Variants in ZBTB22 observed in about 807,000 individuals in gnomAD.
ZBTB22 encodes zinc finger and BTB domain-containing protein 22.
For missense variants in ZBTB22, 668 were observed against 834.1 expected (o/e 0.80, Z 2.45); for synonymous variants, 356 against 347.3 (o/e 1.03, Z -0.28).
At position 33,315,664 on chromosome 6, in the gene ZBTB22, G is replaced by C. The variant is rs750761482; in HGVS notation, c.1253C>G (p.Pro418Arg). The C allele has an allele frequency of 1.7e-5, 28 of 1,613,850 alleles. No homozygotes were observed. Among genetic ancestry groups the C allele is most frequent in the Non-Finnish European group, 2.4e-5 (28 of 1,179,964 alleles). ...GATCTGGTTGCCCTGCATGTCCAAGGGAAGGAGCGGTCGAGGAGGGTGGGA... is the reference window on the plus strand; with the variant it reads ...GATCTGGTTGCCCTGCATGTCCAAGCGAAGGAGCGGTCGAGGAGGGTGGGA... Reference protein sequence around the residue: ...APSHPPRPLLPLDMQGNQILV... With the variant: ...APSHPPRPLLRLDMQGNQILV... Residue 418 changes from proline (P) to arginine (R), a missense_variant, in exon 2 of 2, where the codon CCC becomes CGC. By Grantham distance (103) the Pro-to-Arg change is moderately radical. Transcript: ENST00000431845. This position sits in a 1 kb window ranked among gnomAD's most constrained non-coding sequence, Gnocchi z 5.4.
chr6:33,314,980 C>T lies in ZBTB22; in HGVS notation c.*32G>A, dbSNP rs772936264. On this transcript the variant is annotated 3_prime_UTR_variant, in exon 2 of 2. Coordinates refer to ENST00000431845, the MANE Select transcript of ZBTB22 (RefSeq NM_005453.5). ...GCATCGTGCTCCTTATTCCCTTTCC[C>T]GAAAGCTACCCCACCCCAGTAGCCT... 2.0e-6 allele frequency: 3 copies of T among 1,520,514 alleles called. No homozygotes were observed. Among genetic ancestry groups the T allele is most frequent in the Non-Finnish European group, 2.6e-6 (3 of 1,134,296 alleles). 94.2% of individuals were successfully genotyped at this position (1,520,514 alleles called of 1,614,324 possible).
Position 33,316,742 on chromosome 6 carries a change from C to T in ZBTB22, c.175G>A (p.Val59Ile), listed in dbSNP as rs757295590. 1.9e-6 allele frequency: 3 copies of T among 1,614,068 alleles called. No individual in the cohort carries two copies. Among genetic ancestry groups the T allele is most frequent in the African/African-American group, 1.3e-5 (1 of 74,924 alleles). ...TCCCGGCCCTGCACTCTGATAGATACATCGCAGAGCTGGCCCTGCAGACGC... is the reference window on the plus strand; with the variant it reads ...TCCCGGCCCTGCACTCTGATAGATATATCGCAGAGCTGGCCCTGCAGACGC... The part of the protein sequence containing the change: ...QQRLQGQLCD[V>I]SIRVQGREFR... Residue 59 changes from valine to isoleucine, a missense_variant, in exon 2 of 2, where the codon GTA (valine) becomes ATA (isoleucine). Physicochemically the swap from Val to Ile is conservative, Grantham distance 29. Coordinates refer to ENST00000431845, the MANE Select transcript of ZBTB22 (RefSeq NM_005453.5). The surrounding 1 kb of genome is among the most constrained non-coding windows in gnomAD (Gnocchi z 7.2).
intron 1 of ZBTB22, 67 bp downstream of exon 1, chr6:33,317,586 C>T (rs1343830560): frequency 1.9e-4 from 24 of 127,868 alleles, no homozygotes; most frequent in African/African-American, 7.0e-4. Context: ...CCGCTCCGCC[C>T]CAAGCGCTAC....
Position 33,315,719 on chromosome 6 carries a change from C to G in ZBTB22, c.1198G>C (p.Gly400Arg). The G allele has an allele frequency of 6.2e-7, 1 of 1,612,410 alleles. No individual in the cohort carries two copies. The highest frequency in any genetic ancestry group is 1.1e-5 in the South Asian group (1 of 90,910). ...GGPVAGLDDS[G>R]GPTPSSYAPS... ...GCATAGGAAGAGGGAGTTGGCCCCC[C>G]TGAGTCATCAAGACCTGCCACAGGA... Residue 400 changes from glycine (G) to arginine (R), a missense_variant, in exon 2 of 2, where the codon GGG becomes CGG. By Grantham distance (125) the Gly-to-Arg change is moderately radical. Coordinates refer to ENST00000431845, the MANE Select transcript of ZBTB22 (RefSeq NM_005453.5). This position sits in a 1 kb window ranked among gnomAD's most constrained non-coding sequence, Gnocchi z 5.4.
At position 33,315,168 on chromosome 6, in the gene ZBTB22, C is replaced by A. The variant is rs200053970; in HGVS notation, c.1749G>T (p.Gly583=). 1.2e-6 allele frequency: 2 copies of A among 1,612,846 alleles called. No homozygotes were observed. The highest frequency in any genetic ancestry group is 1.7e-6 in the Non-Finnish European group (2 of 1,179,306). Residue 583 remains glycine (G), a synonymous_variant, in exon 2 of 2, where the codon GGG becomes GGT. Transcript: ENST00000431845. The surrounding 1 kb of genome is among the most constrained non-coding windows in gnomAD (Gnocchi z 5.4). ...ACTCTCTCTTGGACGGCAAGGATGG[C>A]CCCGTGGGAGTCCCAGGCCCAGGTA... ...GAVPGPGTPT[G]PSLPSKRESP...
rs916317657 is a variant in ZBTB22 at position 33,316,999 on chromosome 6, G to A, written c.-69-14C>T. 2.8e-6 allele frequency: 4 copies of A among 1,440,896 alleles called. No homozygotes were observed. The highest frequency in any genetic ancestry group is 1.4e-5 in the South Asian group (1 of 69,158). 89.3% of individuals were successfully genotyped at this position (1,440,896 alleles called of 1,614,324 possible). A position where few individuals can be genotyped will look rare whatever the true frequency, so the allele number is the denominator to read the frequency against. On this transcript the variant is annotated splice_polypyrimidine_tract_variant and intron_variant, in intron 1 of 1. Coordinates refer to ENST00000431845, the MANE Select transcript of ZBTB22 (RefSeq NM_005453.5). This position sits in a 1 kb window ranked among gnomAD's most constrained non-coding sequence, Gnocchi z 7.2. ...CCGGGGGGGTCTCTGGGAAGAAAAA[G>A]AGAAAAGAATAATGATAACATCTCA...
At chr6:33,317,011 A>C in intron 1 of ZBTB22, 26 bp from the exon 2 acceptor site, 10 of 1,385,382 alleles carry the variant, frequency 7.2e-6, no homozygotes, top group Non-Finnish European at 9.6e-6. Flanking sequence ...GAAAAGAATA[A>C]TGATAACATC....
chr6:33,315,106 C>A lies in ZBTB22; in HGVS notation c.1811G>T (p.Ser604Ile). ...TCTGCTGGACGGGGGCGTGGCCGCA[C>A]TCGCTTCGTCGCCGCTGCCCCCGCC... ...GVGGGSGDEA[S>I]AATPPSSRRV... The change falls in exon 2 of 2, where the codon AGT becomes ATT. Residue 604 changes from serine (S) to isoleucine (I), a missense_variant. Ser to Ile is a moderately radical substitution (Grantham distance 142). Coordinates refer to ENST00000431845, the MANE Select transcript of ZBTB22 (RefSeq NM_005453.5). This position sits in a 1 kb window ranked among gnomAD's most constrained non-coding sequence, Gnocchi z 5.4. The A allele has an allele frequency of 6.2e-7, 1 of 1,611,920 alleles. No homozygotes were observed. Among genetic ancestry groups the A allele is most frequent in the Non-Finnish European group, 8.5e-7 (1 of 1,178,368 alleles).
upstream of ZBTB22, chr6:33,317,753 C>G (rs1264780189): frequency 6.8e-6 from 1 of 146,570 alleles, no homozygotes; most frequent in Non-Finnish European, 1.5e-5. Flanking sequence ...CCTCCGCCCT[C>G]CGCCTCCGCT....
chr6:33,316,258 G>A lies in ZBTB22; in HGVS notation c.659C>T (p.Ser220Phe). 1 of 1,614,188 alleles carries A rather than the reference G, an allele frequency of 6.2e-7. No homozygotes were observed. The highest frequency in any genetic ancestry group is 8.5e-7 in the Non-Finnish European group (1 of 1,180,036). ...SPRESTDFSS[S>F]SQEAFAASAV... ...AGAAGCTGCAAATGCCTCTTGGGAG[G>A]AAGATGAGAAATCAGTGGACTCCCT... The change falls in exon 2 of 2, where the codon TCC becomes TTC. Residue 220 changes from serine (S) to phenylalanine (F), a missense_variant. Physicochemically the swap from Ser to Phe is radical, Grantham distance 155. Transcript: ENST00000431845. This position sits in a 1 kb window ranked among gnomAD's most constrained non-coding sequence, Gnocchi z 7.2.
rs141471574 is a variant in ZBTB22 at position 33,316,350 on chromosome 6, C to T, written c.567G>A (p.Ala189=). Residue 189 remains alanine, a synonymous_variant, in exon 2 of 2, where the codon GCG becomes GCA. Coordinates refer to ENST00000431845, the MANE Select transcript of ZBTB22 (RefSeq NM_005453.5). This position sits in a 1 kb window ranked among gnomAD's most constrained non-coding sequence, Gnocchi z 7.2. ...GTVAPATMGS[A]RSHASSRASE... ...TGGCCCGGCTGGAGGCATGGGAGCG[C>T]GCAGAGCCCATGGTAGCAGGGGCCA... The T allele has an allele frequency of 7.4e-6, 12 of 1,613,790 alleles. No homozygotes were observed. The African/African-American group carries it at 9.3e-5, about 13-fold the overall frequency.
In ZBTB22 at chr6:33,316,869, C is replaced by A. The variant is rs756440751; in HGVS notation, c.48G>T (p.Pro16=). ...GTAGTGGGGGCGGAGCCAGCGACAG[C>A]GGCAGGGGAAGTGCTGCCCCACTGG... The part of the protein sequence containing the change: ...LSPSGAALPL[P]LSLAPPPLPL... Residue 16 remains proline, a synonymous_variant, in exon 2 of 2, where the codon CCG becomes CCT. Transcript: ENST00000431845. This position sits in a 1 kb window ranked among gnomAD's most constrained non-coding sequence, Gnocchi z 7.2. 1.6e-4 allele frequency: 265 copies of A among 1,612,492 alleles called. No individual in the cohort carries two copies. Among genetic ancestry groups the A allele is most frequent in the Non-Finnish European group, 2.2e-4 (262 of 1,179,448 alleles).
Position 33,314,915 on chromosome 6 carries a change from TA to T in ZBTB22, c.*96del. On this transcript the variant is annotated 3_prime_UTR_variant, in exon 2 of 2. Transcript: ENST00000431845. ...AGTCCACAGAGATAAAGGAAGACAG[TA>T]AGTGTGGTGGGAGATCACCCGGGGG... The T allele has an allele frequency of 6.7e-7, 1 of 1,493,730 alleles. No homozygotes were observed. Among genetic ancestry groups the T allele is most frequent in the Non-Finnish European group, 8.9e-7 (1 of 1,121,228 alleles). 92.5% of individuals were successfully genotyped at this position (1,493,730 alleles called of 1,614,324 possible).
chr6:33,314,824 G>A lies in ZBTB22; in HGVS notation c.*188C>T. The A allele has an allele frequency of 6.1e-6, 7 of 1,150,808 alleles. No homozygotes were observed. Among genetic ancestry groups the A allele is most frequent in the Non-Finnish European group, 8.2e-6 (7 of 854,742 alleles). The allele number at this position is 1,150,808 out of a possible 1,614,324, so 71.3% of individuals were successfully genotyped here. Reference sequence around the variant, plus strand: ...TTAGTTCTGGAAATACCTTGGGGGGGAGGGGTTGAGTAGTAGAATGGGCGG... The same window carrying A: ...TTAGTTCTGGAAATACCTTGGGGGGAAGGGGTTGAGTAGTAGAATGGGCGG... On this transcript the variant is annotated 3_prime_UTR_variant, in exon 2 of 2. Transcript: ENST00000431845.
Position 33,315,295 on chromosome 6 carries a change from T to A in ZBTB22, c.1622A>T (p.Tyr541Phe). Residue 541 changes from tyrosine to phenylalanine, a missense_variant, in exon 2 of 2, where the codon TAC (tyrosine) becomes TTC (phenylalanine). Tyr to Phe is a conservative substitution (Grantham distance 22). Coordinates refer to ENST00000431845, the MANE Select transcript of ZBTB22 (RefSeq NM_005453.5). The surrounding 1 kb of genome is among the most constrained non-coding windows in gnomAD (Gnocchi z 5.4). Reference protein sequence around the residue: ...HMKTHTGLKPYECGVCAKKFM... With the variant: ...HMKTHTGLKPFECGVCAKKFM... The stretch of plus-strand genomic sequence containing the variant: ...CTTCTTGGCGCAGACTCCGCACTCG[T>A]AGGGCTTGAGACCTGTGTGCGTCTT... The A allele has an allele frequency of 6.2e-7, 1 of 1,614,038 alleles. No homozygotes were observed. The highest frequency in any genetic ancestry group is 8.5e-7 in the Non-Finnish European group (1 of 1,180,020).
At position 33,315,299 on chromosome 6, in the gene ZBTB22, G is replaced by A. The variant is rs754864888; in HGVS notation, c.1618C>T (p.Pro540Ser). Residue 540 changes from proline to serine, a missense_variant, in exon 2 of 2, where the codon CCC becomes TCC. Pro to Ser is a moderately conservative substitution (Grantham distance 74). Coordinates refer to ENST00000431845, the MANE Select transcript of ZBTB22 (RefSeq NM_005453.5). This position sits in a 1 kb window ranked among gnomAD's most constrained non-coding sequence, Gnocchi z 5.4. ...TTGGCGCAGACTCCGCACTCGTAGG[G>A]CTTGAGACCTGTGTGCGTCTTCATG... ...EHMKTHTGLK[P>S]YECGVCAKKF... 1.2e-6 allele frequency: 2 copies of A among 1,614,096 alleles called. No homozygotes were observed. The highest frequency in any genetic ancestry group is 1.3e-5 in the African/African-American group (1 of 75,064).
rs1315674203 is a variant in ZBTB22, at chr6:33,316,156, G to A, written c.761C>T (p.Ser254Phe). 6.2e-7 allele frequency: 1 copy of A among 1,613,838 alleles called. No individual in the cohort carries two copies. The highest frequency in any genetic ancestry group is 1.7e-5 in the Admixed American group (1 of 60,012). Reference protein sequence around the residue: ...APVVGSGGATSGKLLLEADEL... With the variant: ...APVVGSGGATFGKLLLEADEL... Reference sequence around the variant, plus strand: ...ATCTGCCTCCAGCAGCAGCTTTCCAGATGTGGCCCCTCCACTGCCAACGAC... The same window carrying A: ...ATCTGCCTCCAGCAGCAGCTTTCCAAATGTGGCCCCTCCACTGCCAACGAC... Residue 254 changes from serine (S) to phenylalanine (F), a missense_variant, in exon 2 of 2, where the codon TCT becomes TTT. Ser to Phe is a radical substitution (Grantham distance 155). Coordinates refer to ENST00000431845, the MANE Select transcript of ZBTB22 (RefSeq NM_005453.5). The surrounding 1 kb of genome is among the most constrained non-coding windows in gnomAD (Gnocchi z 7.2).
At position 33,316,922 on chromosome 6, in the gene ZBTB22, G is replaced by A. The variant is rs1011650765; in HGVS notation, c.-6C>T. The A allele has an allele frequency of 1.9e-6, 3 of 1,569,700 alleles. No individual in the cohort carries two copies. The highest frequency in any genetic ancestry group is 2.6e-6 in the Non-Finnish European group (3 of 1,157,828). On this transcript the variant is annotated 5_prime_UTR_variant, in exon 2 of 2. Coordinates refer to ENST00000431845, the MANE Select transcript of ZBTB22 (RefSeq NM_005453.5). This position sits in a 1 kb window ranked among gnomAD's most constrained non-coding sequence, Gnocchi z 7.2. ...GACAGAGGAGATGGCTCCATGTTGT[G>A]GAGGGAGGGGATACCCCCCCAGCCA... is the stretch of plus-strand genomic sequence containing the variant.
At position 33,314,769 on chromosome 6, in the gene ZBTB22, C is replaced by T; in HGVS notation, c.*243G>A. 5.9e-6 allele frequency: 4 copies of T among 678,808 alleles called. No homozygotes were observed. The highest frequency in any genetic ancestry group is 6.7e-6 in the Non-Finnish European group (3 of 445,550). The allele number at this position is 678,808 out of a possible 1,614,324, so 42.0% of individuals were successfully genotyped here. A position where few individuals can be genotyped will look rare whatever the true frequency, so the allele number is the denominator to read the frequency against. On this transcript the variant is annotated 3_prime_UTR_variant, in exon 2 of 2. Coordinates refer to ENST00000431845, the MANE Select transcript of ZBTB22 (RefSeq NM_005453.5). The stretch of plus-strand genomic sequence containing the variant: ...AATCTACTCTGTGGAGCAGGGGCTT[C>T]AGTGTACCCATCAGAGGGAAAGGAA...
Sources: allele counts gnomAD v4.1 joint callset, GRCh38; gene constraint gnomAD v4.1.1; non-coding constraint Gnocchi (gnomAD v3.1); transcripts MANE v1.5; gene names NCBI Gene and HGNC (gene_info 2026-07-23, HGNC 2026-07-21).